Variants in ATF7IP2 observed in about 807,000 individuals in gnomAD.
ATF7IP2 encodes activating transcription factor 7 interacting protein 2, also known as activating transcription factor 7-interacting protein 2.
A neutral mutation model predicts 64.2 loss-of-function variants in ATF7IP2; 42 were observed. The ratio of observed to expected loss-of-function variants is 0.65; its 90% CI spans 0.51 to 0.85. The LOEUF (loss-of-function observed/expected upper bound fraction) is 0.85. Ranked by LOEUF, ATF7IP2 falls within the 40% of genes least tolerant of loss-of-function variation. The pLI, the probability that ATF7IP2 is intolerant of heterozygous loss-of-function variation, is 0.00. For missense variants in ATF7IP2, 933 were observed against 784.2 expected (o/e 1.19, Z -2.27); for synonymous variants, 308 against 272.8 (o/e 1.13, Z -1.27).
intron 3 of ATF7IP2, among the ~76,000 whole-genome samples, chr16:10,420,607 C>A (rs2047972448): frequency 6.6e-6 from 1 of 152,194 alleles, no homozygotes; most frequent in South Asian, 2.1e-4. Context: ...AGTCCAAGGT[C>A]CTGGAAGAGG....
chr16:10,432,742 G>A (rs1380296597), intron 5 of ATF7IP2, among the ~76,000 whole-genome samples: 1 of 152,094 alleles, frequency 6.6e-6, no homozygotes, highest in African/African-American at 2.4e-5. Flanking sequence ...CGTGGTGGTG[G>A]GCACCTATTA....
chr16:10,465,950 C>A (rs1362372310), intron 9 of ATF7IP2, among the ~76,000 whole-genome samples: 1 of 152,104 alleles, frequency 6.6e-6, no homozygotes, highest in Non-Finnish European at 1.5e-5. Context: ...GCTACATGAA[C>A]AGTATGTTAG....
chr16:10,418,796 T>A (rs1045880354), intron 2 of ATF7IP2, among the ~76,000 whole-genome samples: 1 of 152,204 alleles, frequency 6.6e-6, no homozygotes, highest in Non-Finnish European at 1.5e-5. Context: ...TTTCCACAAA[T>A]CCTTATGTTT....
At chr16:10,394,775 G>A (rs1487338970) in intron 1 of ATF7IP2, among the ~76,000 whole-genome samples, 2 of 152,132 alleles carry the variant, frequency 1.3e-5, no homozygotes, top group Non-Finnish European at 2.9e-5. Context: ...AAGAAATCAT[G>A]AGGTTAATTA....
chr16:10,472,464 G>C (rs1412517033), intron 10 of ATF7IP2, among the ~76,000 whole-genome samples: 1 of 151,670 alleles, frequency 6.6e-6, no homozygotes, highest in Admixed American at 6.6e-5. Context: ...ATTTTTAATG[G>C]TTTGCCCTGG....
At chr16:10,398,951 T>G (rs1455322908) in intron 1 of ATF7IP2, among the ~76,000 whole-genome samples, 2 of 152,082 alleles carry the variant, frequency 1.3e-5, no homozygotes, top group African/African-American at 2.4e-5. Context: ...CCATCTCTAC[T>G]AAAAATGCAA....
At chr16:10,469,498 C>G (rs867497343) in intron 9 of ATF7IP2, among the ~76,000 whole-genome samples, 25 of 152,034 alleles carry the variant, frequency 1.6e-4, no homozygotes, top group African/African-American at 5.1e-4. Flanking sequence ...ACCACATCAT[C>G]AGATTGCTGA....
chr16:10,480,139 C>A (rs1221643997), intron 12 of ATF7IP2, among the ~76,000 whole-genome samples: 1 of 151,722 alleles, frequency 6.6e-6, no homozygotes. Flanking sequence ...AGGCACGCGC[C>A]ACCACACCCA....
intron 1 of ATF7IP2, among the ~76,000 whole-genome samples, chr16:10,404,456 G>A (rs1596446091): frequency 6.6e-6 from 1 of 152,286 alleles, no homozygotes; most frequent in Admixed American, 6.5e-5. Flanking sequence ...TGTTGGCCCG[G>A]CCGGTCTTGA....
chr16:10,439,481 G>A (rs1248289919), intron 7 of ATF7IP2, among the ~76,000 whole-genome samples: 3 of 150,368 alleles, frequency 2.0e-5, no homozygotes, highest in African/African-American at 7.3e-5. Flanking sequence ...TGATCCGCCT[G>A]CCTCGGCTTC....
chr16:10,448,588 TG>T (rs1277900746), intron 8 of ATF7IP2: 1 of 152,178 alleles, frequency 6.6e-6, no homozygotes, highest in Non-Finnish European at 1.5e-5. Context: ...GGAATGCTTG[TG>T]ATTTTTGCAC....
At chr16:10,414,946 G>T (rs547809265) in intron 2 of ATF7IP2, among the ~76,000 whole-genome samples, 12 of 152,036 alleles carry the variant, frequency 7.9e-5, no homozygotes, top group African/African-American at 2.7e-4. Flanking sequence ...CTACAATGAA[G>T]ACTGTAAAAC....
intron 6 of ATF7IP2, among the ~76,000 whole-genome samples, chr16:10,437,792 A>G (rs1342662783): frequency 6.6e-6 from 1 of 152,224 alleles, no homozygotes; most frequent in African/African-American, 2.4e-5. Context: ...AATGGCATAT[A>G]GTCTTTTAAT....
At chr16:10,433,454 C>T (rs1400015208) in intron 5 of ATF7IP2, 71 bp from the exon 6 acceptor site, 54 of 1,418,536 alleles carry the variant, frequency 3.8e-5, no homozygotes, top group Non-Finnish European at 4.6e-5. Context: ...GGATTACAGA[C>T]ATGAGCCACC....
intron 6 of ATF7IP2, among the ~76,000 whole-genome samples, chr16:10,434,580 G>A (rs144386127): frequency 2.0e-5 from 3 of 152,200 alleles, no homozygotes; most frequent in Non-Finnish European, 2.9e-5. Flanking sequence ...CTTAAAGGGC[G>A]AGTCAACAGT....
In ATF7IP2 at chr16:10,474,689, A is replaced by G. The variant is rs549492484; in HGVS notation, c.1549+700A>G. On this transcript the variant is annotated intron_variant, in intron 12 of 13. Coordinates refer to ENST00000562102, the MANE Select transcript of ATF7IP2 (RefSeq NM_001393719.1). ...ATAAACCCACATACCCAAGGTGTTT[A>G]AAAAACTCCAGGATAAACACAAAAG... Among the ~76,000 whole-genome samples the G allele has an allele frequency of 3.3e-5, 5 of 152,338 alleles. No homozygotes were observed. In the South Asian group the frequency reaches 6.2e-4, roughly 19 times the overall value.
At chr16:10,398,551 A>G (rs2047465638) in intron 1 of ATF7IP2, among the ~76,000 whole-genome samples, 1 of 152,166 alleles carries the variant, frequency 6.6e-6, no homozygotes, top group African/African-American at 2.4e-5. Context: ...AGATAACAGA[A>G]TCAACCTGTT....
At chr16:10,467,914 T>C (rs2049641086) in intron 9 of ATF7IP2, among the ~76,000 whole-genome samples, 1 of 149,872 alleles carries the variant, frequency 6.7e-6, no homozygotes. Flanking sequence ...AGTTTTGCTC[T>C]TGTTGTCCAG....
chr16:10,414,529 C>G (rs1341538894), intron 1 of ATF7IP2, 45 bp from the exon 2 acceptor site: 1 of 151,582 alleles, frequency 6.6e-6, no homozygotes, highest in Non-Finnish European at 1.5e-5. Context: ...TTCTCTGGTG[C>G]CTCCTTGATT....
Sources: allele counts gnomAD v4.1 joint callset (sites outside exome capture counted in the v4.1 genomes callset), GRCh38; gene constraint gnomAD v4.1.1; transcripts MANE v1.5; gene names NCBI Gene and HGNC (gene_info 2026-07-23, HGNC 2026-07-21).